The following DCP1B variants were observed in gnomAD, a reference collection of about 807,000 sequenced individuals.
DCP1B encodes mRNA-decapping enzyme 1B.
A neutral mutation model predicts 60.5 loss-of-function variants in DCP1B; 47 were observed. The ratio of observed to expected loss-of-function variants is 0.78; its 90% CI spans 0.61 to 0.99. DCP1B has a LOEUF of 0.99. DCP1B is among the 50% of genes least tolerant of loss of function. The pLI is 0.00. For synonymous variants in DCP1B, 267 were observed against 280.3 expected, an observed-to-expected ratio of 0.95 and a Z score of 0.47; for missense variants, 725 against 756.8, an observed-to-expected ratio of 0.96 and a Z score of 0.49.
intron 3 of DCP1B, among the ~76,000 whole-genome samples, chr12:1,970,557 G>A (rs1393901479): frequency 6.6e-6 from 1 of 152,208 alleles, no homozygotes; most frequent in East Asian, 1.9e-4. Flanking sequence ...TTCCATGGAA[G>A]TATGCATTCC....
intron 3 of DCP1B, among the ~76,000 whole-genome samples, chr12:1,985,665 T>G (rs1423887449): frequency 6.6e-6 from 1 of 152,194 alleles, no homozygotes; most frequent in Non-Finnish European, 1.5e-5. Context: ...TGGACATTTT[T>G]ATTATTTTGT....
intron 3 of DCP1B, among the ~76,000 whole-genome samples, chr12:1,974,930 T>A (rs1209071753): frequency 2.0e-5 from 3 of 152,178 alleles, no homozygotes; most frequent in African/African-American, 7.2e-5. Flanking sequence ...GTCAAAAATT[T>A]GTTCCAATGA....
intron 3 of DCP1B, among the ~76,000 whole-genome samples, chr12:1,985,270 G>A (rs1033967214): frequency 1.3e-5 from 2 of 151,944 alleles, no homozygotes; most frequent in African/African-American, 2.4e-5. Flanking sequence ...ATTGCCCCAC[G>A]GATTTCTGAA....
chr12:1,993,138 T>C lies in DCP1B; in HGVS notation c.319+126A>G, dbSNP rs1019537072. The C allele has an allele frequency of 4.0e-6, 5 of 1,261,406 alleles. No homozygotes were observed. In the African/African-American group the frequency reaches 7.4e-5, roughly 19 times the overall value. The allele number at this position is 1,261,406 out of a possible 1,614,324, so 78.1% of individuals were successfully genotyped here. A position where few individuals can be genotyped will look rare whatever the true frequency, so the allele number is the denominator to read the frequency against. On this transcript the variant is annotated intron_variant, in intron 3 of 8. Coordinates refer to ENST00000280665, the MANE Select transcript of DCP1B (RefSeq NM_152640.5). ...TGCATTTCCTAAACATTAACATTTG[T>C]TAAAATGCTGACACCCCCCATAGCC...
At position 1,946,236 on chromosome 12, in the gene DCP1B, C is replaced by A; in HGVS notation, c.1824G>T (p.Met608Ile). ...TAGTCTTTTTCATGGCTGCTTGAGT[C>A]ATGCTGAAGAGATAGGCTTCATAGA... Reference protein sequence around the residue: ...NIIYEAYLFSMTQAAMKKTM With the variant: ...NIIYEAYLFSITQAAMKKTM The change falls in exon 9 of 9, where the codon ATG becomes ATT. Residue 608 changes from methionine (M) to isoleucine (I), a missense_variant. By Grantham distance (10) the Met-to-Ile change is conservative. Coordinates refer to ENST00000280665, the MANE Select transcript of DCP1B (RefSeq NM_152640.5). The A allele has an allele frequency of 6.2e-7, 1 of 1,606,668 alleles. No homozygotes were observed. The highest frequency in any genetic ancestry group is 1.1e-5 in the South Asian group (1 of 88,822).
intron 2 of DCP1B, among the ~76,000 whole-genome samples, chr12:1,994,716 A>G (rs993802078): frequency 3.9e-5 from 6 of 152,258 alleles, no homozygotes; most frequent in African/African-American, 1.4e-4. Flanking sequence ...TTTTCATACA[A>G]GAATGAGAAT....
intron 3 of DCP1B, among the ~76,000 whole-genome samples, chr12:1,990,687 T>C (rs1446630011): frequency 6.6e-6 from 1 of 152,196 alleles, no homozygotes; most frequent in African/African-American, 2.4e-5. Context: ...GATTCTTGAC[T>C]ATACAGAATA....
intron 5 of DCP1B, among the ~76,000 whole-genome samples, chr12:1,963,432 T>G (rs910695685): frequency 2.6e-5 from 4 of 152,248 alleles, no homozygotes; most frequent in African/African-American, 9.6e-5. Context: ...GATAAAAGCT[T>G]ATTTCATTCC....
downstream of DCP1B, among the ~76,000 whole-genome samples, chr12:1,945,483 G>A (rs534765623): frequency 2.0e-4 from 31 of 152,206 alleles, no homozygotes; most frequent in South Asian, 2.1e-3. Flanking sequence ...GTATATACCC[G>A]AAGGATTATA....
At chr12:1,984,026 G>A (rs963865160) in intron 3 of DCP1B, among the ~76,000 whole-genome samples, 1 of 151,580 alleles carries the variant, frequency 6.6e-6, no homozygotes, top group African/African-American at 2.4e-5. Flanking sequence ...CATCTACTTT[G>A]TCTGATGTTA....
intron 8 of DCP1B, among the ~76,000 whole-genome samples, 181 bp from the exon 9 acceptor site, chr12:1,946,467 A>G (rs898771267): frequency 3.3e-5 from 5 of 152,250 alleles, no homozygotes; most frequent in African/African-American, 1.2e-4. Context: ...AAGGCCGGAC[A>G]GAGCTGATGG....
intron 4 of DCP1B, 71 bp downstream of exon 4, chr12:1,967,773 T>C: frequency 3.9e-6 from 5 of 1,297,306 alleles, no homozygotes; most frequent in East Asian, 2.3e-5. Flanking sequence ...GACTGTAGTA[T>C]AGTTACACAC....
intron 3 of DCP1B, among the ~76,000 whole-genome samples, chr12:1,972,443 G>A (rs1449066829): frequency 6.6e-6 from 1 of 152,052 alleles, no homozygotes; most frequent in East Asian, 1.9e-4. Flanking sequence ...TAGTACACAT[G>A]CACACACAGC....
intron 5 of DCP1B, among the ~76,000 whole-genome samples, chr12:1,963,449 T>G (rs1426056917): frequency 2.0e-5 from 3 of 152,226 alleles, no homozygotes; most frequent in Non-Finnish European, 4.4e-5. Flanking sequence ...TTCCCATTAA[T>G]TATCAATTTT....
chr12:1,980,739 CT>C (rs1421025628), intron 3 of DCP1B, among the ~76,000 whole-genome samples: 3 of 150,520 alleles, frequency 2.0e-5, no homozygotes, highest in African/African-American at 7.3e-5. Context: ...AAAAAAAGTT[CT>C]TATTTCATTT....
chr12:1,953,250 A>C lies in DCP1B; in HGVS notation c.690T>G (p.Ala230=). ...DPEPQHLSLT[A]LFGKQDKATC... ...TAGCTTTGTCCTGCTTCCCAAACAG[A>C]GCTGTCAAGGATAAGTGTTGGGGTT... is the stretch of plus-strand genomic sequence containing the variant. Residue 230 remains alanine, a synonymous_variant, in exon 7 of 9, where the codon GCT becomes GCG. Transcript: ENST00000280665. 6.2e-7 allele frequency: 1 copy of C among 1,603,080 alleles called. No homozygotes were observed.
At chr12:1,991,677 C>A (rs756388177) in intron 3 of DCP1B, 1 of 166,864 alleles carries the variant, frequency 6.0e-6, no homozygotes, top group Admixed American at 6.0e-5. Flanking sequence ...GGACAGCACA[C>A]GCTTAGAACC....
intron 4 of DCP1B, among the ~76,000 whole-genome samples, chr12:1,966,644 T>C (rs191864815): frequency 6.6e-6 from 1 of 152,194 alleles, no homozygotes; most frequent in East Asian, 1.9e-4. Flanking sequence ...CATGGCCTCT[T>C]GGCTGAGCTA....
Position 1,967,921 on chromosome 12 carries a change from C to A in DCP1B, c.320-11G>T, listed in dbSNP as rs2154457194. 1 of 1,608,224 alleles carries A rather than the reference C, an allele frequency of 6.2e-7. No individual in the cohort carries two copies. Among genetic ancestry groups the A allele is most frequent in the East Asian group, 2.2e-5 (1 of 44,660 alleles). On this transcript the variant is annotated splice_polypyrimidine_tract_variant and intron_variant, in intron 3 of 8. Transcript: ENST00000280665. ...TTCCATAGATGGACACTGCAAAAAA[C>A]ACACATCAAACAAATTATGAGCATC... is the stretch of plus-strand genomic sequence containing the variant.
Sources: allele counts gnomAD v4.1 joint callset (sites outside exome capture counted in the v4.1 genomes callset), GRCh38; gene constraint gnomAD v4.1.1; transcripts MANE v1.5; gene names NCBI Gene and HGNC (gene_info 2026-07-23, HGNC 2026-07-21).